SCEL: variants seen among roughly 807,000 people sequenced by gnomAD.
SCEL encodes sciellin.
In SCEL, 113 loss-of-function variants were observed where a neutral mutation model predicts 117.6. That is an observed-to-expected ratio of 0.96 (90% CI 0.83 to 1.12). SCEL has a LOEUF of 1.12. SCEL is among the 50% of genes most tolerant of loss of function. The pLI, the probability that SCEL is intolerant of heterozygous loss-of-function variation, is 0.00. For synonymous variants in SCEL, 270 were observed against 256.2 expected, an observed-to-expected ratio of 1.05 and a Z score of -0.51; for missense variants, 785 against 810.8, an observed-to-expected ratio of 0.97 and a Z score of 0.39.
chr13:77,556,103 C>A (rs2084641580), intron 2 of SCEL, among the ~76,000 whole-genome samples, 185 bp downstream of exon 2: 2 of 152,142 alleles, frequency 1.3e-5, no homozygotes, highest in South Asian at 4.1e-4. Flanking sequence ...AATTGGAATT[C>A]AATTTTTTTA....
At chr13:77,556,995 C>T (rs2084697771) in intron 3 of SCEL, among the ~76,000 whole-genome samples, 1 of 152,110 alleles carries the variant, frequency 6.6e-6, no homozygotes, top group African/African-American at 2.4e-5. Flanking sequence ...ACTTGGTAAA[C>T]TGAAAAGAAA....
chr13:77,554,475 G>A (rs7323078), intron 1 of SCEL, among the ~76,000 whole-genome samples: 15,232 of 152,096 alleles, frequency 0.1, 1,273 homozygotes, highest in East Asian at 0.44. Flanking sequence ...ATAATACGTT[G>A]ACCCAAAGCA....
rs2086617281 is a variant in SCEL, at chr13:77,587,259, C to A, written c.546-1885C>A. On this transcript the variant is annotated intron_variant, in intron 9 of 32. Coordinates refer to ENST00000349847, the MANE Select transcript of SCEL (RefSeq NM_144777.3). Reference sequence around the variant, plus strand: ...TTTCCCTCTTGCTGCTGTGAATGAGCCCTCTGTACTTCCATCTAAGATCAA... The same window carrying A: ...TTTCCCTCTTGCTGCTGTGAATGAGACCTCTGTACTTCCATCTAAGATCAA... 4.6e-5 allele frequency among the ~76,000 whole-genome samples: 7 copies of A among 151,964 alleles called. No individual in the cohort carries two copies. In the South Asian group the frequency reaches 8.3e-4, roughly 18 times the overall value.
intron 27 of SCEL, among the ~76,000 whole-genome samples, chr13:77,620,338 A>G (rs942073543): frequency 1.3e-5 from 2 of 152,192 alleles, no homozygotes; most frequent in African/African-American, 4.8e-5. Context: ...GAGTATTTTA[A>G]AAGTGCCTCC....
intron 5 of SCEL, among the ~76,000 whole-genome samples, chr13:77,564,824 A>G (rs1209155335): frequency 6.6e-6 from 1 of 152,212 alleles, no homozygotes; most frequent in African/African-American, 2.4e-5. Flanking sequence ...CTTCTGCATT[A>G]TTCCTAGGCT....
At chr13:77,573,700 A>C (rs992332609) in intron 9 of SCEL, among the ~76,000 whole-genome samples, 6 of 151,750 alleles carry the variant, frequency 4.0e-5, no homozygotes, top group Non-Finnish European at 5.9e-5. Flanking sequence ...TATCTAATCT[A>C]TCTCTGTCTG....
intron 1 of SCEL, among the ~76,000 whole-genome samples, chr13:77,536,608 G>C (rs2083432887): frequency 1.3e-5 from 2 of 152,350 alleles, no homozygotes. Flanking sequence ...AAGGCTAGAA[G>C]AGTTCTTTTA....
chr13:77,617,437 G>A (rs1341425283), intron 24 of SCEL, among the ~76,000 whole-genome samples, 162 bp from the exon 25 acceptor site: 1 of 152,066 alleles, frequency 6.6e-6, no homozygotes, highest in Non-Finnish European at 1.5e-5. Flanking sequence ...TTCTGATAAA[G>A]CATAATTCTT....
intron 27 of SCEL, among the ~76,000 whole-genome samples, chr13:77,625,562 T>A (rs1555593): frequency 1 from 152,104 of 152,342 alleles, 75,933 homozygotes; most frequent in East Asian, 1. Context: ...GTTCCACTGT[T>A]ACTCATTTAA....
At chr13:77,615,712 G>A (rs2088972947) in intron 24 of SCEL, among the ~76,000 whole-genome samples, 2 of 151,984 alleles carry the variant, frequency 1.3e-5, no homozygotes, top group Admixed American at 1.3e-4. Flanking sequence ...CATATTTGTT[G>A]TTTTCAAAAA....
rs1293794744 is a variant in SCEL, at chr13:77,608,107, T to C, written c.1209T>C (p.Ser403=). ...LIKVTPEVKR[S]NQGSKDLNNF... ...AAGTGACCCCTGAAGTAAAGAGAAG[T>C]AACCAAGGGTGAGGACTATGTCTTA... Residue 403 remains serine, a synonymous_variant, in exon 20 of 33, where the codon AGT becomes AGC. Transcript: ENST00000349847. 1 of 1,612,160 alleles carries C rather than the reference T, an allele frequency of 6.2e-7. No individual in the cohort carries two copies. Among genetic ancestry groups the C allele is most frequent in the Non-Finnish European group, 8.5e-7 (1 of 1,178,520 alleles).
At chr13:77,562,039 G>T (rs183340856) in intron 4 of SCEL, among the ~76,000 whole-genome samples, 10 of 152,274 alleles carry the variant, frequency 6.6e-5, no homozygotes, top group Admixed American at 6.5e-4. Flanking sequence ...ACATGTTCTG[G>T]TAGATCATTT....
At chr13:77,611,954 T>C (rs1017908927) in intron 22 of SCEL, among the ~76,000 whole-genome samples, 2 of 152,176 alleles carry the variant, frequency 1.3e-5, no homozygotes, top group African/African-American at 4.8e-5. Context: ...AGATAGCAAA[T>C]AAATTTTCCT....
chr13:77,581,598 A>C (rs921687674), intron 9 of SCEL, among the ~76,000 whole-genome samples: 4 of 152,242 alleles, frequency 2.6e-5, no homozygotes, highest in African/African-American at 9.6e-5. Context: ...GTTCAAAAGT[A>C]GGATAAAGAA....
At chr13:77,539,142 T>C (rs888222184) in intron 1 of SCEL, among the ~76,000 whole-genome samples, 1 of 152,136 alleles carries the variant, frequency 6.6e-6, no homozygotes, top group Admixed American at 6.6e-5. Flanking sequence ...ATTTGAACCA[T>C]GATTCCATGT....
At chr13:77,549,828 T>C (rs1042748722) in intron 1 of SCEL, among the ~76,000 whole-genome samples, 1 of 152,296 alleles carries the variant, frequency 6.6e-6, no homozygotes, top group African/African-American at 2.4e-5. Context: ...TAGGAGTTGA[T>C]ACAGATGCAT....
At chr13:77,556,310 G>A (rs1382093418) in intron 2 of SCEL, among the ~76,000 whole-genome samples, 1 of 152,170 alleles carries the variant, frequency 6.6e-6, no homozygotes, top group Non-Finnish European at 1.5e-5. Context: ...TCCTGGCTCA[G>A]TTTATCCCAG....
intron 8 of SCEL, among the ~76,000 whole-genome samples, chr13:77,570,126 A>T (rs1170278981): frequency 6.6e-6 from 1 of 152,158 alleles, no homozygotes; most frequent in African/African-American, 2.4e-5. Flanking sequence ...AAATTTTCTC[A>T]ATTTCCCTGT....
chr13:77,560,075 C>A (rs891169829), intron 4 of SCEL, among the ~76,000 whole-genome samples: 32 of 152,128 alleles, frequency 2.1e-4, no homozygotes, highest in East Asian at 1.9e-4. Context: ...ACATAACCAA[C>A]CCTCTGTGCA....
Sources: allele counts gnomAD v4.1 joint callset (sites outside exome capture counted in the v4.1 genomes callset), GRCh38; gene constraint gnomAD v4.1.1; transcripts MANE v1.5; gene names NCBI Gene and HGNC (gene_info 2026-07-23, HGNC 2026-07-21).